Variants in EXOC6B observed in about 807,000 individuals in gnomAD.
EXOC6B encodes SEC15 homolog B.
EXOC6B carries 54 observed loss-of-function variants against 113.5 expected under a neutral mutation model. That is an observed-to-expected ratio of 0.48 (90% CI 0.38 to 0.60). The LOEUF is 0.60. EXOC6B is among the 20% of genes least tolerant of loss of function. The pLI is 0.00. For missense variants in EXOC6B, 797 were observed against 977.5 expected (o/e 0.82, Z 2.46); for synonymous variants, 357 against 339.0 (o/e 1.05, Z -0.58).
chr2:72,447,066 T>C (rs1696624645), intron 18 of EXOC6B, among the ~76,000 whole-genome samples: 1 of 151,344 alleles, frequency 6.6e-6, no homozygotes, highest in African/African-American at 2.4e-5. Context: ...ATCGCACCAC[T>C]GCACTCTAGT....
intron 1 of EXOC6B, among the ~76,000 whole-genome samples, chr2:72,816,125 T>C (rs1259281281): frequency 2.6e-5 from 4 of 152,110 alleles, no homozygotes; most frequent in Non-Finnish European, 5.9e-5. Context: ...CGCCACTGCA[T>C]TCCACTCTGG....
intron 16 of EXOC6B, among the ~76,000 whole-genome samples, chr2:72,483,450 A>G (rs1373068483): frequency 6.6e-6 from 1 of 152,216 alleles, no homozygotes; most frequent in Non-Finnish European, 1.5e-5. Context: ...CCTGTTTTAC[A>G]TGATATTGGC....
chr2:72,564,347 C>G (rs1483448529), intron 7 of EXOC6B, among the ~76,000 whole-genome samples: 1 of 152,094 alleles, frequency 6.6e-6, no homozygotes, highest in Non-Finnish European at 1.5e-5. Context: ...ATGGATCATC[C>G]AAAAAGAGTT....
At chr2:72,315,585 A>G (rs1383359609) in intron 20 of EXOC6B, among the ~76,000 whole-genome samples, 2 of 152,192 alleles carry the variant, frequency 1.3e-5, no homozygotes, top group Non-Finnish European at 2.9e-5. Flanking sequence ...TATTTGAATC[A>G]TGAGAAGAGA....
chr2:72,408,583 T>G (rs1048847565), intron 18 of EXOC6B, among the ~76,000 whole-genome samples: 1 of 152,152 alleles, frequency 6.6e-6, no homozygotes, highest in Admixed American at 6.5e-5. Context: ...CTATCTGATG[T>G]TTGACAAACC....
At chr2:72,808,625 AT>A (rs2105115217) in intron 1 of EXOC6B, among the ~76,000 whole-genome samples, 1 of 152,196 alleles carries the variant, frequency 6.6e-6, no homozygotes, top group South Asian at 2.1e-4. Flanking sequence ...TAATTAATTA[AT>A]TTTTTAAAAT....
chr2:72,420,302 T>C (rs1337282949), intron 18 of EXOC6B, among the ~76,000 whole-genome samples: 2 of 152,142 alleles, frequency 1.3e-5, no homozygotes, highest in Non-Finnish European at 2.9e-5. Context: ...GTTTGTTACA[T>C]AGGTATACAC....
chr2:72,291,378 A>G (rs1159222644), intron 20 of EXOC6B, among the ~76,000 whole-genome samples: 1 of 152,200 alleles, frequency 6.6e-6, no homozygotes, highest in African/African-American at 2.4e-5. Context: ...ATTCACAAAT[A>G]TAAGGGATCT....
At chr2:72,349,607 C>T (rs183358135) in intron 19 of EXOC6B, among the ~76,000 whole-genome samples, 62 of 152,260 alleles carry the variant, frequency 4.1e-4, no homozygotes, top group African/African-American at 1.4e-3. Flanking sequence ...CATTGATAAG[C>T]TGAGAGGGAG....
At chr2:72,294,479 T>A (rs1369259667) in intron 20 of EXOC6B, among the ~76,000 whole-genome samples, 1 of 152,100 alleles carries the variant, frequency 6.6e-6, no homozygotes, top group Non-Finnish European at 1.5e-5. Context: ...AGAGACGGGG[T>A]CTCATTATGG....
At chr2:72,451,475 T>A (rs1462092847) in intron 18 of EXOC6B, among the ~76,000 whole-genome samples, 1 of 152,306 alleles carries the variant, frequency 6.6e-6, no homozygotes, top group East Asian at 1.9e-4. Context: ...GTTACCATCT[T>A]AGAACAGTTA....
intron 1 of EXOC6B, among the ~76,000 whole-genome samples, chr2:72,781,822 G>A (rs893507748): frequency 2.6e-5 from 4 of 152,006 alleles, no homozygotes; most frequent in African/African-American, 7.2e-5. Flanking sequence ...GCAATCATAC[G>A]TACCTGGAAG....
chr2:72,652,816 T>A lies in EXOC6B; in HGVS notation c.669+65287A>T, dbSNP rs1367382328. Among the ~76,000 whole-genome samples the A allele has an allele frequency of 4.1e-5, 6 of 148,058 alleles. No individual in the cohort carries two copies. The East Asian group carries it at 1.2e-3, about 29-fold the overall frequency. ...TATATAAGATAATATATAATAGGCA[T>A]ATATTTTATATATAATATATAATCA... On this transcript the variant is annotated intron_variant, in intron 6 of 21. Coordinates refer to ENST00000272427, the MANE Select transcript of EXOC6B (RefSeq NM_015189.3).
In EXOC6B at chr2:72,584,467, T is replaced by C. The variant is rs1040953254; in HGVS notation, c.670-8799A>G. 2.6e-5 allele frequency among the ~76,000 whole-genome samples: 4 copies of C among 152,204 alleles called. No homozygotes were observed. The South Asian group carries it at 8.3e-4, about 32-fold the overall frequency. On this transcript the variant is annotated intron_variant, in intron 6 of 21. Transcript: ENST00000272427. ...TCAATTCAACAAGAAAACTTAACTA[T>C]CGTAAATATGTATGCACCTAACATT...
intron 18 of EXOC6B, among the ~76,000 whole-genome samples, chr2:72,405,937 T>C (rs941256377): frequency 6.6e-6 from 1 of 152,144 alleles, no homozygotes; most frequent in African/African-American, 2.4e-5. Context: ...GACCCATCAG[T>C]GTGCTGCATT....
intron 1 of EXOC6B, among the ~76,000 whole-genome samples, chr2:72,823,693 G>A (rs1327672085): frequency 6.6e-6 from 1 of 151,772 alleles, no homozygotes; most frequent in Non-Finnish European, 1.5e-5. Flanking sequence ...GCTGAGGTGG[G>A]AGAATCACCA....
intron 19 of EXOC6B, among the ~76,000 whole-genome samples, chr2:72,360,105 T>C (rs1049680568): frequency 1.3e-5 from 2 of 152,024 alleles, no homozygotes; most frequent in Non-Finnish European, 2.9e-5. Flanking sequence ...TTTTTTTTTT[T>C]CAGATGGGGT....
intron 20 of EXOC6B, among the ~76,000 whole-genome samples, chr2:72,293,114 A>G (rs992528713): frequency 2.6e-5 from 4 of 152,130 alleles, no homozygotes; most frequent in African/African-American, 7.2e-5. Context: ...CTGCCAATCT[A>G]TTTTCCAGAG....
chr2:72,186,439 G>A (rs1487482710), intron 20 of EXOC6B, among the ~76,000 whole-genome samples: 3 of 151,986 alleles, frequency 2.0e-5, no homozygotes, highest in Non-Finnish European at 4.4e-5. Flanking sequence ...AGTTCTTTCA[G>A]TACTGTGCTT....
Sources: gnomAD v4.1 joint callset for allele counts (sites outside exome capture counted in the v4.1 genomes callset) on GRCh38, gnomAD v4.1.1 for gene constraint, MANE v1.5 for transcripts, NCBI Gene and HGNC (gene_info 2026-07-23, HGNC 2026-07-21) for gene names.